CCDC146: variants seen among roughly 807,000 people sequenced by gnomAD.
The protein encoded by CCDC146 is coiled-coil domain-containing protein 146.
In CCDC146, 92 loss-of-function variants were observed where a neutral mutation model predicts 119.3. That is an observed-to-expected ratio of 0.77 (90% CI 0.65 to 0.92). The LOEUF is 0.92. CCDC146 is among the 40% of genes least tolerant of loss of function. The pLI is 0.00. For missense variants in CCDC146, 1,000 were observed against 1,103.0 expected, an observed-to-expected ratio of 0.91 and a Z score of 1.32; for synonymous variants, 372 against 371.8, an observed-to-expected ratio of 1.00 and a Z score of -0.01.
chr7:77,227,305 G>GT (rs1206673306), intron 2 of CCDC146, among the ~76,000 whole-genome samples: 5 of 151,928 alleles, frequency 3.3e-5, no homozygotes, highest in Admixed American at 6.6e-5. Context: ...AACCATTGCT[G>GT]TTTTTTTGTT....
At chr7:77,180,568 T>C (rs1446270051) in intron 2 of CCDC146, among the ~76,000 whole-genome samples, 1 of 152,014 alleles carries the variant, frequency 6.6e-6, no homozygotes, top group African/African-American at 2.4e-5. Flanking sequence ...TGTAGTGGCG[T>C]GTGCCTGTGG....
chr7:77,218,372 T>C (rs1792337705), intron 2 of CCDC146, among the ~76,000 whole-genome samples: 1 of 151,856 alleles, frequency 6.6e-6, no homozygotes, highest in Non-Finnish European at 1.5e-5. Flanking sequence ...CAATCTCAAA[T>C]GCCCACAAGG....
chr7:77,269,693 T>C (rs1793473016), intron 9 of CCDC146, among the ~76,000 whole-genome samples: 1 of 152,236 alleles, frequency 6.6e-6, no homozygotes, highest in Non-Finnish European at 1.5e-5. Flanking sequence ...ATAGCACCCA[T>C]TGAATATAAA....
chr7:77,219,995 A>G (rs1486791370), intron 2 of CCDC146, among the ~76,000 whole-genome samples: 1 of 152,328 alleles, frequency 6.6e-6, no homozygotes, highest in East Asian at 1.9e-4. Context: ...CTGGGCACAC[A>G]TTGTCATTGA....
intron 4 of CCDC146, among the ~76,000 whole-genome samples, chr7:77,254,120 G>A (rs904488379): frequency 2.6e-5 from 4 of 152,198 alleles, no homozygotes; most frequent in Non-Finnish European, 5.9e-5. Flanking sequence ...GGCAAAGGTG[G>A]ATGCAGGCAA....
chr7:77,148,117 C>A (rs553810857), intron 1 of CCDC146, among the ~76,000 whole-genome samples: 3 of 152,358 alleles, frequency 2.0e-5, no homozygotes, highest in Admixed American at 6.5e-5. Context: ...TGGCAGGCGC[C>A]CCTCACCCAG....
chr7:77,267,620 G>A (rs6959124), intron 9 of CCDC146, among the ~76,000 whole-genome samples: 1 of 151,142 alleles, frequency 6.6e-6, no homozygotes, highest in South Asian at 2.1e-4. Context: ...CTGTATACAC[G>A]GTATTCTCAT....
At chr7:77,168,439 G>C (rs1189698373) in intron 2 of CCDC146, among the ~76,000 whole-genome samples, 2 of 151,462 alleles carry the variant, frequency 1.3e-5, no homozygotes, top group South Asian at 4.2e-4. Context: ...AAATGATTTA[G>C]AGGACATTTG....
intron 1 of CCDC146, among the ~76,000 whole-genome samples, chr7:77,142,095 C>T (rs1377257825): frequency 6.6e-6 from 1 of 152,030 alleles, no homozygotes; most frequent in East Asian, 1.9e-4. Context: ...TTATGACAAA[C>T]CCACAGCCAA....
chr7:77,241,172 C>G (rs1051549092), intron 3 of CCDC146, among the ~76,000 whole-genome samples: 2 of 150,122 alleles, frequency 1.3e-5, no homozygotes, highest in African/African-American at 4.9e-5. Flanking sequence ...ATTCTCCTGC[C>G]TCAGCCTCCC....
chr7:77,143,194 T>C (rs1790962665), intron 1 of CCDC146, among the ~76,000 whole-genome samples: 1 of 151,904 alleles, frequency 6.6e-6, no homozygotes, highest in Non-Finnish European at 1.5e-5. Flanking sequence ...CATGTGTCTG[T>C]TGGCTGCATA....
chr7:77,242,311 A>G (rs1018525829), intron 4 of CCDC146: 14 of 898,254 alleles, frequency 1.6e-5, no homozygotes, highest in African/African-American at 1.8e-5. Flanking sequence ...ACAAGCCTCC[A>G]TGAGCTGAGG....
In CCDC146 at chr7:77,196,435, G is replaced by A. The variant is rs1319753312; in HGVS notation, c.156+28611G>A. ...TTTGGTGATAATATTTGCCATTTAA[G>A]TTTGCAGAAAGACATGCATCAAACC... On this transcript the variant is annotated intron_variant, in intron 2 of 18. Transcript: ENST00000285871. The surrounding 1 kb of genome is among the most constrained non-coding windows in gnomAD (Gnocchi z 4.2). 8 of 1,614,142 alleles carry A rather than the reference G, an allele frequency of 5.0e-6. No individual in the cohort carries two copies. The South Asian group carries it at 7.7e-5, about 16-fold the overall frequency.
At chr7:77,143,873 G>A (rs1473292077) in intron 1 of CCDC146, among the ~76,000 whole-genome samples, 1 of 151,680 alleles carries the variant, frequency 6.6e-6, no homozygotes, top group East Asian at 1.9e-4. Context: ...TTGTTCTTTT[G>A]GCTTAGGATT....
chr7:77,215,294 T>G (rs1476175124), intron 2 of CCDC146, among the ~76,000 whole-genome samples: 7 of 152,050 alleles, frequency 4.6e-5, no homozygotes, highest in Non-Finnish European at 1.0e-4. Context: ...GCCCATTTTT[T>G]GGGTAGTGGG....
At chr7:77,284,858 T>G (rs1370721140) in intron 15 of CCDC146, among the ~76,000 whole-genome samples, 1 of 152,054 alleles carries the variant, frequency 6.6e-6, no homozygotes, top group Admixed American at 6.6e-5. Context: ...GCATCAATCA[T>G]GTGTACCCTT....
chr7:77,213,258 T>A (rs185153219), intron 2 of CCDC146, among the ~76,000 whole-genome samples: 1 of 151,418 alleles, frequency 6.6e-6, no homozygotes, highest in African/African-American at 2.4e-5. Context: ...CTTGACTAAT[T>A]TTTTTTTAAC....
chr7:77,277,901 C>T (rs1252191669), intron 11 of CCDC146, among the ~76,000 whole-genome samples: 6 of 152,180 alleles, frequency 3.9e-5, no homozygotes, highest in Non-Finnish European at 7.4e-5. Flanking sequence ...ATGCAAGAAC[C>T]AGTATCTTTT....
intron 2 of CCDC146, among the ~76,000 whole-genome samples, chr7:77,168,125 T>C (rs1448429125): frequency 6.6e-6 from 1 of 152,192 alleles, no homozygotes; most frequent in African/African-American, 2.4e-5. Flanking sequence ...ATTTCTTTTA[T>C]TATTGCATAT....
Sources: gnomAD v4.1 joint callset for allele counts (sites outside exome capture counted in the v4.1 genomes callset) on GRCh38, gnomAD v4.1.1 for gene constraint, Gnocchi (gnomAD v3.1) non-coding constraint, MANE v1.5 for transcripts, NCBI Gene and HGNC (gene_info 2026-07-23, HGNC 2026-07-21) for gene names.